POGLUT2: variants seen among roughly 807,000 people sequenced by gnomAD.
POGLUT2 encodes protein O-glucosyltransferase 2.
A neutral mutation model predicts 57.6 loss-of-function variants in POGLUT2; 47 were observed. The observed-to-expected ratio is 0.82, with a 90% confidence interval of 0.65 to 1.04. The LOEUF (loss-of-function observed/expected upper bound fraction) is 1.04. POGLUT2 is among the 50% of genes least tolerant of loss of function. The pLI is 0.00. For synonymous variants in POGLUT2, 200 were observed against 218.8 expected (o/e 0.91, Z 0.76); for missense variants, 565 against 614.8 (o/e 0.92, Z 0.86).
Position 102,798,790 on chromosome 13 carries a change from A to T in POGLUT2, c.-120T>A. 1 of 1,077,794 alleles carries T rather than the reference A, an allele frequency of 9.3e-7. No individual in the cohort carries two copies. Among genetic ancestry groups the T allele is most frequent in the African/African-American group, 1.6e-5 (1 of 61,550 alleles). 66.8% of individuals were successfully genotyped at this position (1,077,794 alleles called of 1,614,324 possible). On this transcript the variant is annotated 5_prime_UTR_variant, in exon 1 of 10. In the 5' UTR this introduces an upstream ATG that the reference lacks. Transcript: ENST00000376004. ...GATCGCAGCAGCCAACGCGACTGCA[A>T]AGGTTGCCGCCCGGCGTGCAGGGCA...
At chr13:102,797,076 T>C in intron 1 of POGLUT2, 67 bp from the exon 2 acceptor site, 1 of 1,092,438 alleles carries the variant, frequency 9.2e-7, no homozygotes, top group Non-Finnish European at 1.4e-6. Context: ...GGTTATGCTC[T>C]TCAGTCTGGA....
In POGLUT2 at chr13:102,797,446, G is replaced by A. The variant is rs142276741; in HGVS notation, c.183-437C>T. Among the ~76,000 whole-genome samples, 481 of 152,236 alleles carry A rather than the reference G, an allele frequency of 3.2e-3. 2 individuals are homozygous for A. The highest frequency in any genetic ancestry group is 0.01 in the Middle Eastern group (3 of 294). ...ATATCAGTATTATAAATCACGCTCA[G>A]GCCTGGCACTGTGGCCCATGCCTAC... is the stretch of plus-strand genomic sequence containing the variant. On this transcript the variant is annotated intron_variant, in intron 1 of 9. Transcript: ENST00000376004.
chr13:102,784,374 A>G lies in POGLUT2; in HGVS notation c.*121T>C. On this transcript the variant is annotated 3_prime_UTR_variant, in exon 10 of 10. Coordinates refer to ENST00000376004, the MANE Select transcript of POGLUT2 (RefSeq NM_024089.3). ...ACTGCATAAGTAGAAATGTGTCTTCATACTGCAAACAATCACACAGATTTT... is the reference window on the plus strand; with the variant it reads ...ACTGCATAAGTAGAAATGTGTCTTCGTACTGCAAACAATCACACAGATTTT... 1.5e-6 allele frequency: 1 copy of G among 657,646 alleles called. No individual in the cohort carries two copies. Among genetic ancestry groups the G allele is most frequent in the South Asian group, 1.8e-5 (1 of 55,568 alleles). 40.7% of individuals were successfully genotyped at this position (657,646 alleles called of 1,614,324 possible). A position where few individuals can be genotyped will look rare whatever the true frequency, so the allele number is the denominator to read the frequency against.
chr13:102,793,077 A>AC (rs1878243911), intron 4 of POGLUT2: 1 of 379,342 alleles, frequency 2.6e-6, no homozygotes, highest in Non-Finnish European at 4.8e-6. Context: ...CACCTAGCTG[A>AC]CACTTTGATT....
intron 6 of POGLUT2, among the ~76,000 whole-genome samples, chr13:102,789,448 T>C (rs1194632303): frequency 1.3e-5 from 2 of 152,224 alleles, no homozygotes; most frequent in Non-Finnish European, 2.9e-5. Flanking sequence ...AAATCTAGTG[T>C]TGAAGCAGCG....
At chr13:102,788,934 C>G in intron 7 of POGLUT2, 78 bp downstream of exon 7, 2 of 1,238,870 alleles carry the variant, frequency 1.6e-6, no homozygotes, top group Admixed American at 1.7e-5. Flanking sequence ...TGGATGCTCT[C>G]CAGGTACAAT....
At position 102,789,117 on chromosome 13, in the gene POGLUT2, T is replaced by G; in HGVS notation, c.1188A>C (p.Glu396Asp). The stretch of plus-strand genomic sequence containing the variant: ...AGGGCTGCAGCTCATTGTAAAAATG[T>G]TCATAGTAGATGGAATCCTGCTTCA... The part of the protein sequence containing the change: ...VVLKQDSIYY[E>D]HFYNELQPWK... The change falls in exon 7 of 10, where the codon GAA (glutamate) becomes GAC (aspartate). Residue 396 changes from glutamate to aspartate, a missense_variant. Coordinates refer to ENST00000376004, the MANE Select transcript of POGLUT2 (RefSeq NM_024089.3). 6.2e-7 allele frequency: 1 copy of G among 1,614,156 alleles called. No individual in the cohort carries two copies. The highest frequency in any genetic ancestry group is 1.1e-5 in the South Asian group (1 of 91,070).
Position 102,787,904 on chromosome 13 carries a change from GC to G in POGLUT2, c.1312del (p.Ala438GlnfsTer31). ...ATTATTTCTTGCAAATTCTTGTCCT[GC>G]TTTTGCTATCTTTTTGGCCTACAGG... ...HDEEAKKIAK[A>X]GQEFARNNLM... is the part of the protein sequence containing the mutation. On this transcript the variant is annotated frameshift_variant, in exon 8 of 10. Coordinates refer to ENST00000376004, the MANE Select transcript of POGLUT2 (RefSeq NM_024089.3). LOFTEE classifies it high-confidence loss of function. The G allele has an allele frequency of 6.3e-7, 1 of 1,589,904 alleles. No homozygotes were observed.
At chr13:102,788,601 C>T (rs1878045418) in intron 7 of POGLUT2, among the ~76,000 whole-genome samples, 1 of 152,206 alleles carries the variant, frequency 6.6e-6, no homozygotes, top group Admixed American at 6.5e-5. Context: ...ATTCTCCTGC[C>T]TCAGCCTCCC....
chr13:102,785,567 G>A (rs1221323404), intron 9 of POGLUT2, among the ~76,000 whole-genome samples: 1 of 151,550 alleles, frequency 6.6e-6, no homozygotes, highest in African/African-American at 2.4e-5. Context: ...CCACACTATA[G>A]CTTTATATAC....
Position 102,798,629 on chromosome 13 carries a change from T to C in POGLUT2, c.42A>G (p.Thr14=), listed in dbSNP as rs762297531. 4 of 1,610,064 alleles carry C rather than the reference T, an allele frequency of 2.5e-6. No individual in the cohort carries two copies. Among genetic ancestry groups the C allele is most frequent in the Non-Finnish European group, 3.4e-6 (4 of 1,178,480 alleles). ...TLLLYCFFLA[T]VPALAETGGE... ...CGCCGGTCTCGGCGAGTGCTGGAAC[T>C]GTCGCCAGAAAGAAGCAATAAAGTA... Residue 14 remains threonine, a synonymous_variant, in exon 1 of 10, where the codon ACA becomes ACG. Coordinates refer to ENST00000376004, the MANE Select transcript of POGLUT2 (RefSeq NM_024089.3).
At chr13:102,796,623 T>C (rs1878399922) in intron 2 of POGLUT2, among the ~76,000 whole-genome samples, 181 bp downstream of exon 2, 1 of 150,088 alleles carries the variant, frequency 6.7e-6, no homozygotes, top group Non-Finnish European at 1.5e-5. Flanking sequence ...CTTGAATGTC[T>C]TTTTACCAGG....
rs1308028927 is a variant in POGLUT2 at position 102,787,922 on chromosome 13, G to A, written c.1295C>T (p.Ala432Val). The A allele has an allele frequency of 1.3e-6, 2 of 1,582,538 alleles. No individual in the cohort carries two copies. Among genetic ancestry groups the A allele is most frequent in the Admixed American group, 1.7e-5 (1 of 57,964 alleles). ...TTGTCCTGCTTTTGCTATCTTTTTG[G>A]CCTACAGGAAGAACAACGACAAAAT... ...LKWAKDHDEE[A>V]KKIAKAGQEF... The change falls in exon 8 of 10, where the codon GCC (alanine) becomes GTC (valine). Residue 432 changes from alanine (A) to valine (V), a missense_variant and splice_region_variant. Coordinates refer to ENST00000376004, the MANE Select transcript of POGLUT2 (RefSeq NM_024089.3).
intron 9 of POGLUT2, among the ~76,000 whole-genome samples, chr13:102,785,825 A>G (rs74112436): frequency 0.01 from 1,530 of 152,350 alleles, 27 homozygotes; most frequent in African/African-American, 0.034. Flanking sequence ...AAGAATTGGA[A>G]AACATTAATA....
chr13:102,796,092 C>A (rs1023298402), intron 2 of POGLUT2, among the ~76,000 whole-genome samples: 2 of 151,730 alleles, frequency 1.3e-5, no homozygotes, highest in Non-Finnish European at 2.9e-5. Flanking sequence ...GTCAAGAGAT[C>A]GAAACCATCC....
chr13:102,790,698 C>T (rs542728532), intron 6 of POGLUT2, among the ~76,000 whole-genome samples: 45 of 152,104 alleles, frequency 3.0e-4, no homozygotes, highest in African/African-American at 1.1e-3. Context: ...TCCCTTGATG[C>T]GCATTTAATA....
At position 102,793,750 on chromosome 13, in the gene POGLUT2, G is replaced by A. The variant is rs148677512; in HGVS notation, c.445C>T (p.Arg149Trp). 16 of 1,614,042 alleles carry A rather than the reference G, an allele frequency of 9.9e-6. No homozygotes were observed. Among genetic ancestry groups the A allele is most frequent in the Middle Eastern group, 1.6e-4 (1 of 6,084 alleles). Residue 149 changes from arginine to tryptophan, a missense_variant, in exon 3 of 10, where the codon CGG (arginine) becomes TGG (tryptophan). Arg to Trp is a moderately radical substitution (Grantham distance 101). Coordinates refer to ENST00000376004, the MANE Select transcript of POGLUT2 (RefSeq NM_024089.3). ...CPLQDSAAWL[R>W]EMNCPETIAQ... The stretch of plus-strand genomic sequence containing the variant: ...ATGGTTTCAGGGCAGTTCATCTCCC[G>A]TAGCCAGGCTGCACTATCTTGCAGA...
intron 9 of POGLUT2, 59 bp from the exon 10 acceptor site, chr13:102,784,571 A>T: frequency 9.9e-7 from 1 of 1,014,128 alleles, no homozygotes; most frequent in Non-Finnish European, 1.5e-6. Flanking sequence ...AGTGAAGAAG[A>T]CTTACATTCG....
At position 102,786,424 on chromosome 13, in the gene POGLUT2, G is replaced by C. The variant is rs1595305325; in HGVS notation, c.1384-85C>G. On this transcript the variant is annotated intron_variant, in intron 8 of 9. Coordinates refer to ENST00000376004, the MANE Select transcript of POGLUT2 (RefSeq NM_024089.3). ...AGAGGCTAGAATATATGAAGACTAT[G>C]ATTCATTTAACTCATGTGTGTCAAA... is the stretch of plus-strand genomic sequence containing the variant. 10 of 878,610 alleles carry C rather than the reference G, an allele frequency of 1.1e-5. No homozygotes were observed. In the East Asian group the frequency reaches 2.4e-4, roughly 21 times the overall value. 54.4% of individuals were successfully genotyped at this position (878,610 alleles called of 1,614,324 possible). A position where few individuals can be genotyped will look rare whatever the true frequency, so the allele number is the denominator to read the frequency against.
Sources: gnomAD v4.1 joint callset for allele counts (sites outside exome capture counted in the v4.1 genomes callset) on GRCh38, gnomAD v4.1.1 for gene constraint, MANE v1.5 for transcripts, NCBI Gene and HGNC (gene_info 2026-07-23, HGNC 2026-07-21) for gene names.